The following CDK7 variants were observed in gnomAD, a reference collection of about 807,000 sequenced individuals.
CDK7 encodes cyclin dependent kinase 7, also known as cyclin-dependent kinase 7.
A neutral mutation model predicts 49.1 loss-of-function variants in CDK7; 25 were observed. The ratio of observed to expected loss-of-function variants is 0.51; its 90% CI spans 0.37 to 0.71. The LOEUF (loss-of-function observed/expected upper bound fraction) is 0.71, where lower values mean the gene tolerates loss of function less well. Among genes scored for constraint, CDK7 ranks in the 30% least tolerant of loss-of-function variants. The pLI is 0.00. For missense variants in CDK7, 316 were observed against 411.7 expected (o/e 0.77, Z 2.01); for synonymous variants, 107 against 140.0 (o/e 0.76, Z 1.67).
intron 2 of CDK7, among the ~76,000 whole-genome samples, chr5:69,249,478 G>A (rs1169670115): frequency 6.6e-6 from 1 of 152,104 alleles, no homozygotes; most frequent in African/African-American, 2.4e-5. Context: ...GGGAGGCGGA[G>A]GTTGCAGTGA....
intron 8 of CDK7, 151 bp downstream of exon 8, chr5:69,262,455 G>C (rs34449359): frequency 0.31 from 282,204 of 904,512 alleles, 47,144 homozygotes; most frequent in East Asian, 0.42. Context: ...GATCACTTGA[G>C]GTCAGGAGTT....
chr5:69,235,516 G>A, intron 2 of CDK7, 63 bp downstream of exon 2: 6 of 1,078,872 alleles, frequency 5.6e-6, no homozygotes, highest in Non-Finnish European at 8.6e-6. Flanking sequence ...TTAATTGACT[G>A]ATAGCCATTT....
chr5:69,257,294 T>C (rs1750551317), intron 5 of CDK7, among the ~76,000 whole-genome samples: 1 of 152,120 alleles, frequency 6.6e-6, no homozygotes. Flanking sequence ...CATGGAACTA[T>C]ACACTAAAAA....
intron 4 of CDK7, 133 bp downstream of exon 4, chr5:69,254,802 T>C (rs1042629645): frequency 1.7e-6 from 1 of 599,234 alleles, no homozygotes; most frequent in Non-Finnish European, 3.0e-6. Flanking sequence ...ATACATTTTC[T>C]ATCCCAGTTG....
chr5:69,262,379 T>C, intron 8 of CDK7, 75 bp downstream of exon 8: 1 of 1,600,960 alleles, frequency 6.2e-7, no homozygotes. Flanking sequence ...ATAAGAATTC[T>C]TGTCCTAGGC....
intron 2 of CDK7, among the ~76,000 whole-genome samples, chr5:69,240,614 T>C (rs926252925): frequency 1.3e-5 from 2 of 152,204 alleles, no homozygotes; most frequent in Non-Finnish European, 2.9e-5. Flanking sequence ...TTAAGAATTT[T>C]AAAATCAACT....
chr5:69,271,471 G>A (rs2150231405), intron 9 of CDK7, among the ~76,000 whole-genome samples: 1 of 150,308 alleles, frequency 6.7e-6, no homozygotes, highest in South Asian at 2.1e-4. Context: ...AAGTCAAAGA[G>A]CTCTTTTGCC....
intron 2 of CDK7, among the ~76,000 whole-genome samples, chr5:69,238,856 C>G (rs1184354976): frequency 6.6e-6 from 1 of 151,888 alleles, no homozygotes; most frequent in African/African-American, 2.4e-5. Flanking sequence ...GCCACCACAC[C>G]CAGCCTGCAA....
intron 7 of CDK7, among the ~76,000 whole-genome samples, chr5:69,260,602 A>G (rs1750753639): frequency 6.6e-6 from 1 of 152,188 alleles, no homozygotes. Flanking sequence ...CTGATTCTGT[A>G]TCCTTCTATG....
At chr5:69,271,517 T>G (rs1751540047) in intron 9 of CDK7, among the ~76,000 whole-genome samples, 1 of 149,748 alleles carries the variant, frequency 6.7e-6, no homozygotes, top group South Asian at 2.1e-4. Context: ...TTTTTTCTTT[T>G]TTTTTTTTTT....
intron 2 of CDK7, among the ~76,000 whole-genome samples, chr5:69,248,796 TTTTTTC>T (rs1350837096): frequency 7.9e-6 from 1 of 126,308 alleles, no homozygotes; most frequent in African/African-American, 3.2e-5. Context: ...TTTTCTTTTT[TTTTTTC>T]TTTTTTTTTT....
rs140146656 is a variant in CDK7, at chr5:69,263,842, G to A, written c.627+1538G>A. ...AAATGAAGAGAGACAGCAGTTGAGA[G>A]TAGACAGGTTAGAGATTGTGGACCT... On this transcript the variant is annotated intron_variant, in intron 8 of 11. Coordinates refer to ENST00000256443, the MANE Select transcript of CDK7 (RefSeq NM_001799.4). Among the ~76,000 whole-genome samples the A allele has an allele frequency of 1.8e-4, 28 of 152,326 alleles. No homozygotes were observed. The East Asian group carries it at 5.2e-3, about 28-fold the overall frequency.
At chr5:69,263,745 C>G (rs552371170) in intron 8 of CDK7, among the ~76,000 whole-genome samples, 1 of 152,284 alleles carries the variant, frequency 6.6e-6, no homozygotes, top group African/African-American at 2.4e-5. Flanking sequence ...CCACCACAAT[C>G]CATTCATGGC....
chr5:69,276,027 CT>C (rs905393838), intron 10 of CDK7, among the ~76,000 whole-genome samples: 1 of 151,984 alleles, frequency 6.6e-6, no homozygotes. Context: ...AGAAGGGAGT[CT>C]TTTTTTCTTT....
intron 8 of CDK7, among the ~76,000 whole-genome samples, chr5:69,264,640 CTAGA>C (rs1189600787): frequency 6.6e-6 from 1 of 152,120 alleles, no homozygotes; most frequent in African/African-American, 2.4e-5. Context: ...TGAAGCACTG[CTAGA>C]TGTGAATCGT....
intron 2 of CDK7, among the ~76,000 whole-genome samples, chr5:69,238,325 C>T (rs1193440315): frequency 2.1e-5 from 3 of 143,024 alleles, no homozygotes; most frequent in East Asian, 2.1e-4. Flanking sequence ...CTGTGTGTTT[C>T]CCTGGCTGGA....
chr5:69,272,576 TTATAG>T, intron 9 of CDK7, among the ~76,000 whole-genome samples: 1 of 152,326 alleles, frequency 6.6e-6, no homozygotes, highest in Non-Finnish European at 1.5e-5. Context: ...ATTGTATAGC[TTATAG>T]TATATTACCC....
intron 2 of CDK7, chr5:69,250,918 G>A (rs989988243): frequency 4.4e-6 from 2 of 454,240 alleles, no homozygotes; most frequent in Non-Finnish European, 8.8e-6. Flanking sequence ...TCTACTTTAA[G>A]AAATTCTGTG....
At chr5:69,251,543 T>C (rs1379063162) in intron 2 of CDK7, among the ~76,000 whole-genome samples, 1 of 152,100 alleles carries the variant, frequency 6.6e-6, no homozygotes, top group Non-Finnish European at 1.5e-5. Context: ...CTTGTGTTTT[T>C]GTTTTTTTGT....
Sources: allele counts gnomAD v4.1 joint callset (sites outside exome capture counted in the v4.1 genomes callset), GRCh38; gene constraint gnomAD v4.1.1; transcripts MANE v1.5; gene names NCBI Gene and HGNC (gene_info 2026-07-23, HGNC 2026-07-21).